SH3BP1: variants seen among roughly 807,000 people sequenced by gnomAD.
SH3BP1 encodes SH3 domain binding protein 1, also known as SH3 domain-binding protein 1.
Under a neutral mutation model 69.8 loss-of-function variants are expected in SH3BP1, and 46 were observed. That is an observed-to-expected ratio of 0.66 (90% confidence interval 0.52 to 0.84). SH3BP1 has a LOEUF of 0.84. Ranked by LOEUF, SH3BP1 falls within the 40% of genes least tolerant of loss-of-function variation. SH3BP1 has a pLI of 0.00. For missense variants in SH3BP1, 868 were observed against 930.9 expected, an observed-to-expected ratio of 0.93 and a Z score of 0.88; for synonymous variants, 403 against 378.0, an observed-to-expected ratio of 1.07 and a Z score of -0.77.
rs1331478930 is a variant in SH3BP1 at position 37,647,421 on chromosome 22, G to A, written c.1119-20G>A. ...GGTGTAGCCCTGCGCTGGCTGACAG[G>A]TCTCTCCACTCCCCCCCAGCCTGAA... On this transcript the variant is annotated intron_variant, in intron 12 of 17. Coordinates refer to ENST00000649765, the MANE Select transcript of SH3BP1 (RefSeq NM_018957.6). 6.2e-7 allele frequency: 1 copy of A among 1,611,272 alleles called. No homozygotes were observed. The highest frequency in any genetic ancestry group is 1.3e-5 in the African/African-American group (1 of 74,778).
intron 13 of SH3BP1, 42 bp downstream of exon 13, chr22:37,647,563 G>T: frequency 6.5e-7 from 1 of 1,528,402 alleles, no homozygotes; most frequent in Non-Finnish European, 8.9e-7. Context: ...CAGAGCCAGA[G>T]CCCAGCTGAG....
chr22:37,651,284 T>C (rs1932873703), intron 16 of SH3BP1, among the ~76,000 whole-genome samples: 2 of 151,796 alleles, frequency 1.3e-5, no homozygotes, highest in African/African-American at 4.8e-5. Flanking sequence ...TCCACCCACC[T>C]TGGCCCCTGA....
Position 37,641,388 on chromosome 22 carries a change from G to T in SH3BP1, c.117G>T (p.Leu39=). The change falls in exon 3 of 18, where the codon CTG becomes CTT. Residue 39 remains leucine, a synonymous_variant. Transcript: ENST00000649765. ...GEDLLQVEQR[L]EPAKRAAHNI... ...CTCCTTCCCAGGTAGAACAGCGGCTGGAGCCGGCCAAGCGGGCAGCCCACA... is the reference window on the plus strand; with the variant it reads ...CTCCTTCCCAGGTAGAACAGCGGCTTGAGCCGGCCAAGCGGGCAGCCCACA... 1 of 1,550,970 alleles carries T rather than the reference G, an allele frequency of 6.4e-7. No homozygotes were observed. Among genetic ancestry groups the T allele is most frequent in the Non-Finnish European group, 8.7e-7 (1 of 1,147,020 alleles).
At chr22:37,651,041 G>GT (rs869176488) in intron 16 of SH3BP1, among the ~76,000 whole-genome samples, 187 of 148,100 alleles carry the variant, frequency 1.3e-3, no homozygotes, top group Admixed American at 1.8e-3. Context: ...GTTTTGTTTT[G>GT]TTTTTTTTTT....
At chr22:37,654,827 A>C (rs1434587534) in intron 17 of SH3BP1, among the ~76,000 whole-genome samples, 1 of 151,678 alleles carries the variant, frequency 6.6e-6, no homozygotes, top group Admixed American at 6.6e-5. Flanking sequence ...TGAACAAGAT[A>C]GGCCGGGGAC....
intron 16 of SH3BP1, among the ~76,000 whole-genome samples, chr22:37,653,467 G>A (rs761981773): frequency 2.6e-5 from 4 of 152,072 alleles, no homozygotes; most frequent in African/African-American, 9.7e-5. Flanking sequence ...GCCCTGAGCT[G>A]AGGCAGAGGT....
intron 14 of SH3BP1, chr22:37,648,639 G>A: frequency 3.6e-6 from 2 of 552,096 alleles, no homozygotes. Context: ...TGGCATTTTG[G>A]CCAGTGGTGG....
In SH3BP1 at chr22:37,655,577, G is replaced by T; in HGVS notation, c.1999G>T (p.Ala667Ser). 1.3e-6 allele frequency: 2 copies of T among 1,587,026 alleles called. No individual in the cohort carries two copies. The highest frequency in any genetic ancestry group is 1.1e-5 in the South Asian group (1 of 87,344). The change falls in exon 18 of 18, where the codon GCT (alanine) becomes TCT (serine). Residue 667 changes from alanine (A) to serine (S), a missense_variant. Physicochemically the swap from Ala to Ser is moderately conservative, Grantham distance 99. Coordinates refer to ENST00000649765, the MANE Select transcript of SH3BP1 (RefSeq NM_018957.6). ...TAACCCTGCACAGGTGGACCTGGGG[G>T]CTGCCACAGCAGAGGGAGGAGCCCC... is the stretch of plus-strand genomic sequence containing the variant. ...LSNPAQVDLG[A>S]ATAEGGAPEA... is the part of the protein sequence containing the mutation.
In SH3BP1 at chr22:37,650,682, C is replaced by G. The variant is rs775862093; in HGVS notation, c.1555C>G (p.Pro519Ala). ...TTPAPAPAPA[P>A]APAPALASAA... The stretch of plus-strand genomic sequence containing the variant: ...CCCGGCTCCGGCTCCGGCTCCAGCT[C>G]CAGCTCCGGCCCCAGCCTTGGCTTC... Residue 519 changes from proline (P) to alanine (A), a missense_variant, in exon 16 of 18, where the codon CCA (proline) becomes GCA (alanine). By Grantham distance (27) the Pro-to-Ala change is conservative. Coordinates refer to ENST00000649765, the MANE Select transcript of SH3BP1 (RefSeq NM_018957.6). 6.2e-7 allele frequency: 1 copy of G among 1,613,482 alleles called. No homozygotes were observed. The highest frequency in any genetic ancestry group is 1.3e-5 in the African/African-American group (1 of 74,920).
At chr22:37,642,191 AG>A in intron 3 of SH3BP1, 1 of 324,626 alleles carries the variant, frequency 3.1e-6, no homozygotes, top group East Asian at 6.5e-5. Flanking sequence ...ACCCTGGGAC[AG>A]GGGAAAGAGC....
In SH3BP1 at chr22:37,650,235, C is replaced by G. The variant is rs762602517; in HGVS notation, c.1400C>G (p.Thr467Ser). 11 of 1,609,796 alleles carry G rather than the reference C, an allele frequency of 6.8e-6. No individual in the cohort carries two copies. In the East Asian group the frequency reaches 2.2e-4, roughly 33 times the overall value. Residue 467 changes from threonine (T) to serine (S), a missense_variant, in exon 15 of 18, where the codon ACC (threonine) becomes AGC (serine). Thr to Ser is a moderately conservative substitution (Grantham distance 58). This residue lies in a region of SH3BP1 where 474 missense variants were observed against 462.3 expected (regional missense o/e 1.03). Transcript: ENST00000649765. ...GAGGCGCTGATCCAGAGCGCAGACA[C>G]CCTCTTCCCTGGAGGTGAAGCTCCT... Reference protein sequence around the residue: ...VVEALIQSADTLFPGDINFNV... With the variant: ...VVEALIQSADSLFPGDINFNV...
At chr22:37,645,538 G>A in intron 10 of SH3BP1, 28 bp downstream of exon 10, 2 of 1,588,756 alleles carry the variant, frequency 1.3e-6, no homozygotes, top group Non-Finnish European at 1.7e-6. Flanking sequence ...AGGTGGGGAA[G>A]GAGCACTGGG....
chr22:37,646,750 C>A, intron 10 of SH3BP1, 68 bp from the exon 11 acceptor site: 2 of 983,072 alleles, frequency 2.0e-6, no homozygotes, highest in Non-Finnish European at 2.9e-6. Context: ...CCCCAGGCTA[C>A]AAGTGCGCCA....
chr22:37,645,602 T>C (rs1932772474), intron 10 of SH3BP1, 92 bp downstream of exon 10: 8 of 1,425,952 alleles, frequency 5.6e-6, no homozygotes, highest in Non-Finnish European at 6.7e-6. Flanking sequence ...GTGCCTGTAA[T>C]TCCCTCATTC....
At position 37,645,296 on chromosome 22, in the gene SH3BP1, G is replaced by C. The variant is rs137946669; in HGVS notation, c.779-69G>C. ...GTGGTACCACCTTGAGGACATGAAG[G>C]GGGGGTGCCCCTGCCTGACTGCTCG... On this transcript the variant is annotated intron_variant, in intron 9 of 17. Coordinates refer to ENST00000649765, the MANE Select transcript of SH3BP1 (RefSeq NM_018957.6). 790 of 1,542,162 alleles carry C rather than the reference G, an allele frequency of 5.1e-4. 3 individuals are homozygous for C. In the African/African-American group the frequency reaches 9.5e-3, roughly 19 times the overall value.
intron 13 of SH3BP1, 94 bp downstream of exon 13, chr22:37,647,615 ACT>A: frequency 1.2e-6 from 1 of 855,478 alleles, no homozygotes; most frequent in Admixed American, 3.1e-5. Flanking sequence ...TGGCCTTGCC[ACT>A]GTATCCTAAG....
In SH3BP1 at chr22:37,655,351, CTT is replaced by C; in HGVS notation, c.1774_1775del (p.Leu592AlafsTer67). The C allele has an allele frequency of 1.4e-6, 2 of 1,472,280 alleles. No individual in the cohort carries two copies. Among genetic ancestry groups the C allele is most frequent in the Middle Eastern group, 2.4e-4 (1 of 4,088 alleles). The allele number at this position is 1,472,280 out of a possible 1,614,324, so 91.2% of individuals were successfully genotyped here. On this transcript the variant is annotated frameshift_variant, in exon 18 of 18. Coordinates refer to ENST00000649765, the MANE Select transcript of SH3BP1 (RefSeq NM_018957.6). LOFTEE classifies it low-confidence loss of function (END_TRUNC). ...GSRSSPPAPP[L>X]PPGSGSPGTP... ...CCCGCTCCTCCCCTCCAGCCCCGCC[CTT>C]GCCCCCTGGCTCTGGCAGCCCTGGG...
chr22:37,642,672 G>A (rs759893715), intron 4 of SH3BP1, 57 bp downstream of exon 4: 1 of 1,611,952 alleles, frequency 6.2e-7, no homozygotes, highest in South Asian at 1.1e-5. Flanking sequence ...GATCTCAGCT[G>A]GGAGGGGGTC....
chr22:37,643,303 C>A, intron 6 of SH3BP1, 129 bp downstream of exon 6: 1 of 815,852 alleles, frequency 1.2e-6, no homozygotes, highest in Non-Finnish European at 2.0e-6. Context: ...TGTACTTGTG[C>A]ACGCCTGGTC....
Sources: allele counts gnomAD v4.1 joint callset (sites outside exome capture counted in the v4.1 genomes callset), GRCh38; gene constraint gnomAD v4.1.1; regional missense constraint gnomAD v4.1.1; transcripts MANE v1.5; gene names NCBI Gene and HGNC (gene_info 2026-07-23, HGNC 2026-07-21).